NNMT: variants seen among roughly 807,000 people sequenced by gnomAD.
NNMT encodes nicotinamide N-methyltransferase.
NNMT carries 10 observed loss-of-function variants against 11.7 expected under a neutral mutation model. That is an observed-to-expected ratio of 0.85 (90% CI 0.53 to 1.45). The LOEUF (loss-of-function observed/expected upper bound fraction) is 1.45. NNMT is among the 40% of genes most tolerant of loss of function. The probability of loss-of-function intolerance (pLI) is 0.00; values close to 1 mark genes in which losing one functional copy is unlikely to be tolerated. For missense variants in NNMT, 381 were observed against 319.4 expected (o/e 1.19, Z -1.47); for synonymous variants, 143 against 133.8 (o/e 1.07, Z -0.48).
At chr11:114,282,915 T>C (rs1327126468) in intron 2 of NNMT, among the ~76,000 whole-genome samples, 1 of 152,264 alleles carries the variant, frequency 6.6e-6, no homozygotes, top group Non-Finnish European at 1.5e-5. Flanking sequence ...CTGATACTGA[T>C]ATGCATGTTT....
At chr11:114,304,638 G>A (rs1400480985) in intron 2 of NNMT, among the ~76,000 whole-genome samples, 6 of 152,138 alleles carry the variant, frequency 3.9e-5, no homozygotes, top group South Asian at 4.1e-4. Context: ...TGCCAAAGAC[G>A]TATGTACTGT....
intron 2 of NNMT, among the ~76,000 whole-genome samples, chr11:114,298,869 C>A (rs1209505270): frequency 1.3e-5 from 2 of 152,148 alleles, no homozygotes. Context: ...CCAGAGGTAG[C>A]CACGCCTGCA....
At chr11:114,296,343 C>T (rs1391625535), upstream of NNMT, 4 of 532,236 alleles carry the variant, frequency 7.5e-6, no homozygotes, top group Non-Finnish European at 9.9e-6. Context: ...CTCCCTTCTC[C>T]GGGAATTTCA....
At position 114,296,493 on chromosome 11, in the gene NNMT, A is replaced by G. The variant is rs1385190824; in HGVS notation, c.-64A>G. Reference sequence around the variant, plus strand: ...TCAGGAAGACAACTTCTGCAGGGTCACTCCCTGGCTTCTGGAGGAAAGAGA... The same window carrying G: ...TCAGGAAGACAACTTCTGCAGGGTCGCTCCCTGGCTTCTGGAGGAAAGAGA... On this transcript the variant is annotated 5_prime_UTR_variant, in exon 1 of 3. Coordinates refer to ENST00000299964, the MANE Select transcript of NNMT (RefSeq NM_006169.3). 7 of 1,562,324 alleles carry G rather than the reference A, an allele frequency of 4.5e-6. No homozygotes were observed. The South Asian group carries it at 5.8e-5, about 13-fold the overall frequency.
chr11:114,273,531 C>T (rs1386418615), intron 2 of NNMT, among the ~76,000 whole-genome samples: 3 of 152,172 alleles, frequency 2.0e-5, no homozygotes, highest in Non-Finnish European at 4.4e-5. Flanking sequence ...ATTCTTAGAA[C>T]ACAGTTGATA....
intron 2 of NNMT, among the ~76,000 whole-genome samples, chr11:114,305,616 G>A (rs976247901): frequency 7.3e-5 from 11 of 150,512 alleles, no homozygotes; most frequent in Non-Finnish European, 1.6e-4. Context: ...TTCTGTCCTT[G>A]AGATAGTTTG....
chr11:114,292,564 G>A (rs764750235), upstream of NNMT, among the ~76,000 whole-genome samples: 1 of 152,162 alleles, frequency 6.6e-6, no homozygotes, highest in Non-Finnish European at 1.5e-5. Context: ...GGGAAGAACA[G>A]CCACCAGTGA....
intron 2 of NNMT, among the ~76,000 whole-genome samples, chr11:114,274,724 C>T (rs1214193439): frequency 6.6e-6 from 1 of 152,244 alleles, no homozygotes; most frequent in Non-Finnish European, 1.5e-5. Flanking sequence ...CAGAAAGAAA[C>T]TGTCCCAGAT....
upstream of NNMT, among the ~76,000 whole-genome samples, chr11:114,295,045 G>A (rs1945362468): frequency 6.6e-6 from 1 of 152,244 alleles, no homozygotes; most frequent in Admixed American, 6.5e-5. Flanking sequence ...CACAGGAATT[G>A]ACGTCAGAGG....
intron 2 of NNMT, among the ~76,000 whole-genome samples, chr11:114,267,661 A>G (rs899973740): frequency 6.6e-6 from 1 of 152,012 alleles, no homozygotes; most frequent in African/African-American, 2.4e-5. Context: ...TGCTTCACCT[A>G]TTCTTCTGTC....
chr11:114,303,729 T>A (rs529426405), intron 2 of NNMT, among the ~76,000 whole-genome samples: 2 of 152,188 alleles, frequency 1.3e-5, no homozygotes, highest in African/African-American at 4.8e-5. Context: ...GCTATTCTAT[T>A]TTTTTTAGAC....
chr11:114,296,305 C>A, upstream of NNMT: 1 of 436,268 alleles, frequency 2.3e-6, no homozygotes, highest in Non-Finnish European at 4.2e-6. Context: ...CCTCCCTCTA[C>A]CATACCCTCC....
upstream of NNMT, among the ~76,000 whole-genome samples, chr11:114,293,713 G>T (rs1022687003): frequency 3.9e-5 from 6 of 152,000 alleles, no homozygotes; most frequent in African/African-American, 1.4e-4. Flanking sequence ...AACCACTATG[G>T]AGAACGGTTT....
At chr11:114,259,539 A>G (rs1305489622) in intron 1 of NNMT, among the ~76,000 whole-genome samples, 1 of 152,110 alleles carries the variant, frequency 6.6e-6, no homozygotes, top group Non-Finnish European at 1.5e-5. Context: ...GCATATGTAG[A>G]CACCTGGTCC....
intron 2 of NNMT, among the ~76,000 whole-genome samples, chr11:114,286,083 G>C (rs574752661): frequency 6.6e-6 from 1 of 152,150 alleles, no homozygotes; most frequent in Admixed American, 6.5e-5. Context: ...TGCAGAGATC[G>C]TTGTTTATCC....
intron 2 of NNMT, among the ~76,000 whole-genome samples, chr11:114,267,955 C>T (rs763699505): frequency 2.6e-5 from 4 of 152,236 alleles, no homozygotes; most frequent in African/African-American, 9.6e-5. Flanking sequence ...ATCATACCCA[C>T]ATACTGCATC....
chr11:114,280,690 GA>G (rs1354211599), intron 2 of NNMT, among the ~76,000 whole-genome samples: 1 of 152,174 alleles, frequency 6.6e-6, no homozygotes, highest in African/African-American at 2.4e-5. Context: ...TGCCCTTTGG[GA>G]AAAGGAGGAA....
intron 2 of NNMT, among the ~76,000 whole-genome samples, chr11:114,304,277 T>A (rs187193375): frequency 6.6e-6 from 1 of 152,208 alleles, no homozygotes; most frequent in Non-Finnish European, 1.5e-5. Context: ...GTTCTCACTT[T>A]CTGTATCCAC....
intron 2 of NNMT, among the ~76,000 whole-genome samples, chr11:114,283,297 G>A (rs1290739808): frequency 6.6e-6 from 1 of 152,176 alleles, no homozygotes; most frequent in Non-Finnish European, 1.5e-5. Context: ...ATAAATAAAT[G>A]AGGGGTGCAA....
Sources: gnomAD v4.1 joint callset for allele counts (sites outside exome capture counted in the v4.1 genomes callset) on GRCh38, gnomAD v4.1.1 for gene constraint, MANE v1.5 for transcripts, NCBI Gene and HGNC (gene_info 2026-07-23, HGNC 2026-07-21) for gene names.